Variants in TMEM182 observed in about 807,000 individuals in gnomAD.
TMEM182 encodes the protein transmembrane protein 182.
Under a neutral mutation model 26.8 loss-of-function variants are expected in TMEM182, and 20 were observed. The ratio of observed to expected loss-of-function variants is 0.75; its 90% CI spans 0.53 to 1.09. TMEM182 has a LOEUF of 1.09. Among genes scored for constraint, TMEM182 ranks in the 50% least tolerant of loss-of-function variants. TMEM182 has a pLI of 0.00. For missense variants in TMEM182, 277 were observed against 275.5 expected, an observed-to-expected ratio of 1.01 and a Z score of -0.04; for synonymous variants, 109 against 102.2, an observed-to-expected ratio of 1.07 and a Z score of -0.40.
At chr2:102,784,407 A>G (rs764935895) in intron 3 of TMEM182, among the ~76,000 whole-genome samples, 1 of 151,974 alleles carries the variant, frequency 6.6e-6, no homozygotes, top group Non-Finnish European at 1.5e-5. Flanking sequence ...ATGCGAAACC[A>G]GACTGCAAGC....
At chr2:102,737,226 G>A (rs139579436) in intron 1 of TMEM182, among the ~76,000 whole-genome samples, 81 of 152,276 alleles carry the variant, frequency 5.3e-4, no homozygotes, top group African/African-American at 1.8e-3. Context: ...ACGTTAACGT[G>A]GCTCTCCAAG....
chr2:102,765,510 C>G (rs1473683163), intron 3 of TMEM182, among the ~76,000 whole-genome samples: 1 of 152,162 alleles, frequency 6.6e-6, no homozygotes, highest in Non-Finnish European at 1.5e-5. Flanking sequence ...CAATATTAAG[C>G]TGGTATTTGA....
chr2:102,802,183 A>G (rs991607624), intron 4 of TMEM182, among the ~76,000 whole-genome samples: 1 of 152,226 alleles, frequency 6.6e-6, no homozygotes, highest in Non-Finnish European at 1.5e-5. Flanking sequence ...TAAATTTTCT[A>G]TGACCATTGC....
intron 3 of TMEM182, among the ~76,000 whole-genome samples, chr2:102,841,541 G>C (rs1205635497): frequency 1.3e-5 from 2 of 152,210 alleles, no homozygotes; most frequent in Non-Finnish European, 2.9e-5. Context: ...AGGCTCCGCA[G>C]CAATGACACG....
At chr2:102,770,468 G>A (rs893920841) in intron 3 of TMEM182, among the ~76,000 whole-genome samples, 3 of 152,146 alleles carry the variant, frequency 2.0e-5, no homozygotes, top group Non-Finnish European at 4.4e-5. Flanking sequence ...GACAGGACCT[G>A]AGGACTCTGT....
upstream of TMEM182, among the ~76,000 whole-genome samples, chr2:102,759,626 G>A (rs892324287): frequency 6.6e-6 from 1 of 152,104 alleles, no homozygotes; most frequent in Non-Finnish European, 1.5e-5. Flanking sequence ...AGTTTATATT[G>A]CTACTATAAC....
chr2:102,786,247 C>T (rs1409745685), intron 3 of TMEM182, among the ~76,000 whole-genome samples: 2 of 116,776 alleles, frequency 1.7e-5, no homozygotes, highest in South Asian at 5.9e-4. Context: ...CAGAGTCTTA[C>T]TCTGTCGCCC....
intron 3 of TMEM182, among the ~76,000 whole-genome samples, chr2:102,796,926 A>T (rs1681892186): frequency 6.6e-6 from 1 of 152,206 alleles, no homozygotes; most frequent in Non-Finnish European, 1.5e-5. Flanking sequence ...ATTTTCTTAA[A>T]ATATAACTTG....
intron 3 of TMEM182, among the ~76,000 whole-genome samples, chr2:102,825,847 C>T (rs537426111): frequency 1.3e-5 from 2 of 152,272 alleles, no homozygotes; most frequent in South Asian, 2.1e-4. Context: ...ATAGGTAACT[C>T]GCCCAAGGCC....
Position 102,762,284 on chromosome 2 carries a change from G to A in TMEM182, c.67G>A (p.Val23Met). 1.2e-6 allele frequency: 2 copies of A among 1,613,944 alleles called. No individual in the cohort carries two copies. Among genetic ancestry groups the A allele is most frequent in the Non-Finnish European group, 1.7e-6 (2 of 1,179,938 alleles). Residue 23 changes from valine (V) to methionine (M), a missense_variant, in exon 1 of 5, where the codon GTG (valine) becomes ATG (methionine). By Grantham distance (21) the Val-to-Met change is conservative. Transcript: ENST00000412401. ...FGALGVLLFL[V>M]AFGSDYWLLA... The stretch of plus-strand genomic sequence containing the variant: ...TGCTTTGGGGGTGTTACTCTTTTTG[G>A]TGGCTTTTGGATCGGATTATTGGCT...
intron 3 of TMEM182, among the ~76,000 whole-genome samples, chr2:102,789,760 C>T (rs922042314): frequency 2.6e-5 from 4 of 152,160 alleles, no homozygotes; most frequent in African/African-American, 9.7e-5. Flanking sequence ...CCCCTGACAC[C>T]CATGTGATAG....
chr2:102,829,340 A>C (rs1227742967), intron 3 of TMEM182, among the ~76,000 whole-genome samples: 2 of 152,160 alleles, frequency 1.3e-5, no homozygotes, highest in Non-Finnish European at 2.9e-5. Flanking sequence ...GGGACACCTG[A>C]CTGGAGGACA....
At position 102,817,585 on chromosome 2, in the gene TMEM182, G is replaced by A; in HGVS notation, c.*2617G>A. 1.5e-5 allele frequency: 15 copies of A among 985,126 alleles called. No individual in the cohort carries two copies. The highest frequency in any genetic ancestry group is 1.8e-5 in the Non-Finnish European group (15 of 829,726). The allele number at this position is 985,126 out of a possible 1,614,324, so 61.0% of individuals were successfully genotyped here. A position where few individuals can be genotyped will look rare whatever the true frequency, so the allele number is the denominator to read the frequency against. ...TAAAAAAAGTAATATCAAGTGTGTT[G>A]TTAGTATTCATTTAGTCATTTTTAT... On this transcript the variant is annotated 3_prime_UTR_variant, in exon 5 of 5. Coordinates refer to ENST00000412401, the MANE Select transcript of TMEM182 (RefSeq NM_144632.5).
chr2:102,837,236 T>G (rs182077979), intron 3 of TMEM182, among the ~76,000 whole-genome samples: 1,995 of 150,878 alleles, frequency 0.013, 25 homozygotes, highest in African/African-American at 0.028. Context: ...AGTTTGTGGG[T>G]TTTTTTTTGT....
intron 4 of TMEM182, among the ~76,000 whole-genome samples, chr2:102,801,949 T>C (rs1682158594): frequency 6.6e-6 from 1 of 152,180 alleles, no homozygotes; most frequent in Admixed American, 6.5e-5. Flanking sequence ...ACCATTTGTT[T>C]ACCAAGAGCA....
At chr2:102,780,549 C>T (rs959113534) in intron 3 of TMEM182, among the ~76,000 whole-genome samples, 1 of 152,152 alleles carries the variant, frequency 6.6e-6, no homozygotes, top group African/African-American at 2.4e-5. Flanking sequence ...CCTATGACAC[C>T]ACTCTAGTTA....
chr2:102,760,678 G>C (rs941719789), upstream of TMEM182, among the ~76,000 whole-genome samples: 2 of 151,902 alleles, frequency 1.3e-5, no homozygotes, highest in South Asian at 4.1e-4. Context: ...GCAATGGCAC[G>C]ATCTCGGCTC....
At chr2:102,818,924 G>A (rs968519696), downstream of TMEM182, among the ~76,000 whole-genome samples, 8 of 152,180 alleles carry the variant, frequency 5.3e-5, no homozygotes, top group African/African-American at 1.7e-4. Flanking sequence ...TGACAGGATA[G>A]TTTACCTTGG....
chr2:102,774,474 C>T (rs1250320794), intron 3 of TMEM182, among the ~76,000 whole-genome samples: 3 of 151,044 alleles, frequency 2.0e-5, no homozygotes, highest in Non-Finnish European at 4.4e-5. Context: ...CGTGTGTTAG[C>T]CAGGATGGTC....
Sources: gnomAD v4.1 joint callset for allele counts (sites outside exome capture counted in the v4.1 genomes callset) on GRCh38, gnomAD v4.1.1 for gene constraint, MANE v1.5 for transcripts, NCBI Gene and HGNC (gene_info 2026-07-23, HGNC 2026-07-21) for gene names.